Variants in FAAH2 observed in about 807,000 individuals in gnomAD.
The protein encoded by FAAH2 is fatty acid amide hydrolase 2, also known as fatty-acid amide hydrolase 2.
FAAH2 carries 60 observed loss-of-function variants against 36.9 expected under a neutral mutation model. The ratio of observed to expected loss-of-function variants is 1.63; its 90% CI spans 1.32 to 2.02. The LOEUF is 2.02. FAAH2 is among the 30% of genes most tolerant of loss of function. The pLI is 0.00. For missense variants in FAAH2, 689 were observed against 397.5 expected, an observed-to-expected ratio of 1.73 and a Z score of -6.23; for synonymous variants, 214 against 143.8, an observed-to-expected ratio of 1.49 and a Z score of -3.49.
intron 5 of FAAH2, among the ~76,000 whole-genome samples, chrX:57,367,237 T>A (rs1243078258): frequency 8.9e-6 from 1 of 112,544 alleles, no homozygotes; most frequent in African/African-American, 3.2e-5. Context: ...ACTTAGGATC[T>A]GTCAGAGGGT....
chrX:57,244,307 G>C, the FAAH2 span, among the ~76,000 whole-genome samples: 3 of 111,188 alleles, frequency 2.7e-5, no homozygotes, highest in East Asian at 2.9e-4. Flanking sequence ...ATGGAACCAA[G>C]TTGGAAAACA....
chrX:57,443,033 G>T (rs998231128), intron 8 of FAAH2, among the ~76,000 whole-genome samples: 3 of 111,656 alleles, frequency 2.7e-5, no homozygotes, highest in African/African-American at 3.3e-5. Flanking sequence ...CTCTCTGTCT[G>T]CCCTTGACAT....
chrX:57,357,109 G>A (rs141470933), intron 5 of FAAH2, among the ~76,000 whole-genome samples: 2,154 of 111,531 alleles, frequency 0.019, 14 homozygotes, highest in Non-Finnish European at 0.026. Context: ...AATAAATGGT[G>A]CTGGTAAAAC....
At chrX:57,388,495 G>C (rs892316855) in intron 7 of FAAH2, among the ~76,000 whole-genome samples, 1 of 110,994 alleles carries the variant, frequency 9.0e-6, no homozygotes, top group East Asian at 2.8e-4. Context: ...TTTATTTTTA[G>C]AACAGTTATA....
chrX:57,307,666 G>A (rs1378909813), intron 2 of FAAH2, among the ~76,000 whole-genome samples: 1 of 110,490 alleles, frequency 9.1e-6, no homozygotes, highest in African/African-American at 3.3e-5. Flanking sequence ...AATTCAAGGG[G>A]CACATGTGCA....
intron 10 of FAAH2, among the ~76,000 whole-genome samples, chrX:57,488,281 A>T (rs2057510218): frequency 8.9e-6 from 1 of 112,124 alleles, no homozygotes; most frequent in South Asian, 3.6e-4. Context: ...GACAAATCAC[A>T]ACTCTAGATT....
Position 57,341,389 on chromosome X carries a change from A to C in FAAH2, c.741A>C (p.Pro247=). 2 of 1,207,426 alleles carry C rather than the reference A, an allele frequency of 1.7e-6. No homozygotes were observed. Among genetic ancestry groups the C allele is most frequent in the Middle Eastern group, 2.3e-4 (1 of 4,324 alleles). The change falls in exon 5 of 11, where the codon CCA becomes CCC. Residue 247 remains proline (P), a splice_region_variant and synonymous_variant. Transcript: ENST00000374900. ...FNGIFGHKPS[P]GVVPNKGQFP... is the part of the protein sequence containing the mutation. ...GTATATTTGGACACAAGCCTTCTCC[A>C]GGTAATGTTAATATGATCAGAAGGG...
At chrX:57,346,189 G>C (rs1008929228) in intron 5 of FAAH2, among the ~76,000 whole-genome samples, 1 of 111,065 alleles carries the variant, frequency 9.0e-6, no homozygotes, top group Admixed American at 9.6e-5. Context: ...TTAGTTTTCT[G>C]CCTCAAAGAT....
chrX:57,299,311 G>A (rs371424940), intron 2 of FAAH2, among the ~76,000 whole-genome samples: 5 of 111,751 alleles, frequency 4.5e-5, no homozygotes, highest in East Asian at 2.8e-4. Flanking sequence ...ATCGGAAAAC[G>A]AATAAAGTTA....
intron 1 of FAAH2, 50 bp from the exon 2 acceptor site, chrX:57,292,448 G>A (rs763787926): frequency 9.4e-6 from 10 of 1,062,640 alleles, no homozygotes; most frequent in Non-Finnish European, 1.2e-5. Context: ...CTTGTTGAAT[G>A]AATTGTTTAG....
At chrX:57,224,272 C>T in the FAAH2 span, among the ~76,000 whole-genome samples, 1 of 111,697 alleles carries the variant, frequency 9.0e-6, no homozygotes, top group African/African-American at 3.3e-5. Flanking sequence ...CCAGACAATC[C>T]AGATGATGCT....
At chrX:57,291,550 C>T (rs2051985207) in intron 1 of FAAH2, among the ~76,000 whole-genome samples, 1 of 111,869 alleles carries the variant, frequency 8.9e-6, no homozygotes. Flanking sequence ...CAGGGGAATT[C>T]AGTCCTTCAC....
the FAAH2 span, among the ~76,000 whole-genome samples, chrX:57,182,989 G>T: frequency 1.8e-5 from 2 of 110,236 alleles, no homozygotes; most frequent in Non-Finnish European, 3.8e-5. Flanking sequence ...GAAGCTAAAT[G>T]ATGAGGACAC....
chrX:57,480,242 A>G (rs2147275033), intron 10 of FAAH2, among the ~76,000 whole-genome samples: 1 of 111,854 alleles, frequency 8.9e-6, no homozygotes, highest in East Asian at 2.8e-4. Context: ...AAAAGAGAGA[A>G]TCCTTCCTAA....
intron 10 of FAAH2, among the ~76,000 whole-genome samples, chrX:57,458,635 T>C (rs2056903536): frequency 8.9e-6 from 1 of 112,106 alleles, no homozygotes; most frequent in Non-Finnish European, 1.9e-5. Context: ...TGAGGTAACC[T>C]AATCATCTCG....
the FAAH2 span, among the ~76,000 whole-genome samples, chrX:57,235,361 TC>T: frequency 1.8e-5 from 2 of 111,851 alleles, no homozygotes; most frequent in Admixed American, 1.9e-4. Flanking sequence ...CTTATCCCTT[TC>T]CTGGCATGCC....
At chrX:57,218,143 A>T in the FAAH2 span, among the ~76,000 whole-genome samples, 4 of 111,820 alleles carry the variant, frequency 3.6e-5, no homozygotes, top group South Asian at 1.1e-3. Context: ...TCATTAGTAA[A>T]CAGGGACAGT....
intron 7 of FAAH2, among the ~76,000 whole-genome samples, chrX:57,413,278 T>C (rs984392045): frequency 1.8e-5 from 2 of 112,500 alleles, no homozygotes; most frequent in Non-Finnish European, 3.8e-5. Flanking sequence ...TTTGGTGTTT[T>C]AGTCATAAAG....
intron 7 of FAAH2, among the ~76,000 whole-genome samples, chrX:57,403,364 T>A (rs1261804227): frequency 8.9e-6 from 1 of 112,543 alleles, no homozygotes; most frequent in Non-Finnish European, 1.9e-5. Flanking sequence ...CCTGCACCTG[T>A]TTTCCTGCCT....
Sources: gnomAD v4.1 joint callset for allele counts (sites outside exome capture counted in the v4.1 genomes callset) on GRCh38, gnomAD v4.1.1 for gene constraint, MANE v1.5 for transcripts, NCBI Gene and HGNC (gene_info 2026-07-23, HGNC 2026-07-21) for gene names.